Variants in ATF3 observed in about 807,000 individuals in gnomAD.
ATF3 encodes activating transcription factor 3.
A neutral mutation model predicts 18.4 loss-of-function variants in ATF3; 10 were observed. The observed-to-expected ratio is 0.54, with a 90% CI of 0.34 to 0.92. The LOEUF is 0.92. Ranked by LOEUF, ATF3 falls within the 40% of genes least tolerant of loss-of-function variation. The probability of loss-of-function intolerance (pLI) is 0.02; values close to 1 mark genes in which losing one functional copy is unlikely to be tolerated. For synonymous variants in ATF3, 78 were observed against 87.9 expected (o/e 0.89, Z 0.63); for missense variants, 183 against 222.3 (o/e 0.82, Z 1.12).
chr1:212,579,364 C>T (rs1664639131), intron 1 of ATF3, among the ~76,000 whole-genome samples: 1 of 152,096 alleles, frequency 6.6e-6, no homozygotes, highest in South Asian at 2.1e-4. Context: ...TTCCATGTAC[C>T]TTCCCCATCA....
chr1:212,585,594 G>C (rs144572477), intron 1 of ATF3, among the ~76,000 whole-genome samples: 1 of 152,096 alleles, frequency 6.6e-6, no homozygotes, highest in Non-Finnish European at 1.5e-5. Context: ...GCAGGAGCAA[G>C]TTTCATAGGC....
intron 1 of ATF3, among the ~76,000 whole-genome samples, chr1:212,611,770 G>C (rs1433329833): frequency 6.6e-6 from 1 of 152,206 alleles, no homozygotes; most frequent in East Asian, 1.9e-4. Context: ...TCCAGTTAAA[G>C]GAATACATGA....
At chr1:212,576,654 T>G (rs1664580867) in intron 1 of ATF3, among the ~76,000 whole-genome samples, 1 of 151,640 alleles carries the variant, frequency 6.6e-6, no homozygotes, top group African/African-American at 2.4e-5. Context: ...CCCATCTTAT[T>G]TTTATTCCAG....
intron 1 of ATF3, among the ~76,000 whole-genome samples, chr1:212,601,020 A>T (rs992392914): frequency 1.3e-5 from 2 of 152,224 alleles, no homozygotes; most frequent in Non-Finnish European, 2.9e-5. Context: ...CAAGGTGTCT[A>T]AGTAGACTGC....
chr1:212,573,236 T>C (rs1294664695), intron 1 of ATF3, among the ~76,000 whole-genome samples: 1 of 152,142 alleles, frequency 6.6e-6, no homozygotes, highest in Non-Finnish European at 1.5e-5. Context: ...TCCTTAAAGA[T>C]GACTTTGACT....
At chr1:212,579,678 C>T (rs778293850) in intron 1 of ATF3, among the ~76,000 whole-genome samples, 19 of 152,152 alleles carry the variant, frequency 1.2e-4, no homozygotes, top group Non-Finnish European at 2.5e-4. Context: ...AGTTAAGTCA[C>T]GTAATCACCC....
At chr1:212,606,229 G>A (rs1269095041), upstream of ATF3, among the ~76,000 whole-genome samples, 6 of 152,232 alleles carry the variant, frequency 3.9e-5, no homozygotes, top group African/African-American at 1.4e-4. Flanking sequence ...GCAGGCAGGA[G>A]TAGTTTTCGT....
At chr1:212,585,745 G>T (rs12401671) in intron 1 of ATF3, among the ~76,000 whole-genome samples, 1 of 152,058 alleles carries the variant, frequency 6.6e-6, no homozygotes, top group African/African-American at 2.4e-5. Context: ...TCTGGTTATC[G>T]ACCTAGGCAG....
chr1:212,619,645 G>A lies in ATF3; in HGVS notation c.*90G>A. On this transcript the variant is annotated 3_prime_UTR_variant, in exon 4 of 4. Coordinates refer to ENST00000341491, the MANE Select transcript of ATF3 (RefSeq NM_001674.4). The surrounding 1 kb of genome is among the most constrained non-coding windows in gnomAD (Gnocchi z 4.4). ...GAAGCCATTGGAGAGCTGTCTTCCT[G>A]TGTACCTCTAGAATCCCAGCAGCAG... 1 of 1,528,616 alleles carries A rather than the reference G, an allele frequency of 6.5e-7. No homozygotes were observed. Among genetic ancestry groups the A allele is most frequent in the East Asian group, 2.4e-5 (1 of 42,122 alleles). 94.7% of individuals were successfully genotyped at this position (1,528,616 alleles called of 1,614,324 possible).
At chr1:212,572,287 C>T (rs61526449) in intron 1 of ATF3, among the ~76,000 whole-genome samples, 4 of 151,874 alleles carry the variant, frequency 2.6e-5, no homozygotes, top group African/African-American at 4.8e-5. Context: ...GAAGCAGAGG[C>T]GGGCGGATCC....
chr1:212,585,172 A>G (rs967841828), intron 1 of ATF3, among the ~76,000 whole-genome samples: 7 of 152,208 alleles, frequency 4.6e-5, no homozygotes, highest in African/African-American at 1.7e-4. Flanking sequence ...AGGATTACTA[A>G]CAGAGCTGGG....
intron 1 of ATF3, among the ~76,000 whole-genome samples, chr1:212,571,714 C>CTTT (rs36034401): frequency 7.9e-6 from 1 of 126,818 alleles, no homozygotes; most frequent in African/African-American, 3.0e-5. Context: ...CCAGCCAATA[C>CTTT]TTTTTTTTTT....
intron 1 of ATF3, among the ~76,000 whole-genome samples, chr1:212,589,962 G>A (rs373695803): frequency 1.3e-5 from 2 of 152,068 alleles, no homozygotes; most frequent in South Asian, 4.1e-4. Context: ...ATGTAACAGT[G>A]AAGCTGAGTA....
chr1:212,615,048 C>G lies in ATF3; in HGVS notation c.27C>G (p.Val9=), dbSNP rs1376905597. 1 of 1,614,052 alleles carries G rather than the reference C, an allele frequency of 6.2e-7. No homozygotes were observed. Among genetic ancestry groups the G allele is most frequent in the Non-Finnish European group, 8.5e-7 (1 of 1,180,048 alleles). MMLQHPGQ[V]SASEVSASAI... is the part of the protein sequence containing the mutation. ...TGATGCTTCAACACCCAGGCCAGGT[C>G]TCTGCCTCGGAAGTGAGTGCTTCTG... The change falls in exon 2 of 4, where the codon GTC becomes GTG. Residue 9 remains valine, a synonymous_variant. Coordinates refer to ENST00000341491, the MANE Select transcript of ATF3 (RefSeq NM_001674.4).
At chr1:212,614,961 A>G (rs1177774383) in intron 1 of ATF3, 57 bp from the exon 2 acceptor site, 1 of 1,613,340 alleles carries the variant, frequency 6.2e-7, no homozygotes, top group Admixed American at 1.7e-5. Flanking sequence ...GGGGAGGGGG[A>G]CTTGATCCCA....
intron 1 of ATF3, among the ~76,000 whole-genome samples, chr1:212,610,834 A>T (rs1250967572): frequency 6.6e-6 from 1 of 152,172 alleles, no homozygotes; most frequent in African/African-American, 2.4e-5. Context: ...CCTATTGGTG[A>T]TGGAGCAAAA....
upstream of ATF3, among the ~76,000 whole-genome samples, chr1:212,605,090 C>T (rs1654582769): frequency 6.6e-6 from 1 of 152,200 alleles, no homozygotes; most frequent in Non-Finnish European, 1.5e-5. Flanking sequence ...TCTCTTGATT[C>T]ATAATTAATT....
Position 212,576,942 on chromosome 1 carries a change from A to G in ATF3, c.-5+11459A>G, listed in dbSNP as rs372187435. On this transcript the variant is annotated intron_variant, in intron 1 of 3. Transcript: ENST00000366981. ...GAGACGGGGTTTCACCACGTTGGCC[A>G]GGATGGTCTCCATCTCTTGACCTCG... is the stretch of plus-strand genomic sequence containing the variant. Among the ~76,000 whole-genome samples, 41 of 151,670 alleles carry G rather than the reference A, an allele frequency of 2.7e-4. No homozygotes were observed. In the East Asian group the frequency reaches 5.6e-3, roughly 21 times the overall value.
At chr1:212,576,966 C>G (rs1330455990) in intron 1 of ATF3, among the ~76,000 whole-genome samples, 1 of 151,726 alleles carries the variant, frequency 6.6e-6, no homozygotes, top group Non-Finnish European at 1.5e-5. Flanking sequence ...CTCTTGACCT[C>G]GTAATCCACC....
Sources: gnomAD v4.1 joint callset for allele counts (sites outside exome capture counted in the v4.1 genomes callset) on GRCh38, gnomAD v4.1.1 for gene constraint, Gnocchi (gnomAD v3.1) non-coding constraint, MANE v1.5 for transcripts, NCBI Gene and HGNC (gene_info 2026-07-23, HGNC 2026-07-21) for gene names.